The following NAA25 variants were observed in gnomAD, a reference collection of about 807,000 sequenced individuals.
NAA25 encodes N-alpha-acetyltransferase 25, NatB auxiliary subunit.
A neutral mutation model predicts 132.5 loss-of-function variants in NAA25; 30 were observed. That is an observed-to-expected ratio of 0.23 (90% CI 0.17 to 0.31). The LOEUF (loss-of-function observed/expected upper bound fraction) is 0.31. NAA25 is among the 10% of genes least tolerant of loss of function. The pLI is 1.00. For missense variants in NAA25, 771 were observed against 1,150.4 expected, an observed-to-expected ratio of 0.67 and a Z score of 4.77; for synonymous variants, 359 against 401.9, an observed-to-expected ratio of 0.89 and a Z score of 1.28.
rs1386351509 is a variant in NAA25 at position 112,074,663 on chromosome 12, A to G, written c.866+12T>C. ...AAAGTGCTGTTATAATTCAGGAAAG[A>G]AGACAACTTACTGTTCACCTTCAGC... On this transcript the variant is annotated intron_variant, in intron 9 of 23. Transcript: ENST00000261745. The G allele has an allele frequency of 1.9e-6, 3 of 1,572,762 alleles. No homozygotes were observed. Among genetic ancestry groups the G allele is most frequent in the Non-Finnish European group, 1.7e-6 (2 of 1,151,176 alleles).
intron 1 of NAA25, among the ~76,000 whole-genome samples, chr12:112,100,731 T>C (rs1285267551): frequency 1.4e-5 from 2 of 147,254 alleles, no homozygotes; most frequent in Non-Finnish European, 3.0e-5. Context: ...GCCATTCTCC[T>C]ACCTCAGCCT....
intron 17 of NAA25, among the ~76,000 whole-genome samples, chr12:112,045,932 T>C (rs556992966): frequency 1.3e-5 from 2 of 152,318 alleles, no homozygotes; most frequent in African/African-American, 4.8e-5. Context: ...TTTAAACAAA[T>C]TGGTTACAGT....
intron 11 of NAA25, among the ~76,000 whole-genome samples, chr12:112,066,785 A>G (rs2078724719): frequency 6.6e-6 from 1 of 152,206 alleles, no homozygotes; most frequent in Non-Finnish European, 1.5e-5. Flanking sequence ...CTGGTTACTT[A>G]TCAGTTGGGG....
rs1463229235 is a variant in NAA25 at position 112,033,239 on chromosome 12, G to A, written c.2790C>T (p.Leu930=). Residue 930 remains leucine, a synonymous_variant, in exon 23 of 24, where the codon CTC becomes CTT. Transcript: ENST00000261745. ...LEELILEDTS[L]SPEERKFSKT... ...ATTGCCTACAATCTCTTACCGGTGA[G>A]AGAGAAGTGTCTTCTAAAATAAGTT... The A allele has an allele frequency of 1.2e-6, 2 of 1,607,186 alleles. No homozygotes were observed. The highest frequency in any genetic ancestry group is 1.7e-5 in the Admixed American group (1 of 58,442).
At chr12:112,032,828 AT>A (rs2078167466) in intron 23 of NAA25, among the ~76,000 whole-genome samples, 1 of 152,198 alleles carries the variant, frequency 6.6e-6, no homozygotes, top group African/African-American at 2.4e-5. Context: ...TATTACTGAC[AT>A]AATTACTTCT....
At chr12:112,104,695 G>A (rs1395288338) in intron 1 of NAA25, among the ~76,000 whole-genome samples, 1 of 152,064 alleles carries the variant, frequency 6.6e-6, no homozygotes, top group Admixed American at 6.6e-5. Flanking sequence ...AATTAACCTG[G>A]CGTGGTGGCG....
At chr12:112,034,285 G>C (rs2078192549) in intron 22 of NAA25, 1 of 152,048 alleles carries the variant, frequency 6.6e-6, no homozygotes, top group African/African-American at 2.4e-5. Context: ...ATCACTTGAG[G>C]TCAGGAGTTC....
At chr12:112,106,955 CAAAAAAAAAAAAAA>C (rs11286456) in intron 1 of NAA25, among the ~76,000 whole-genome samples, 2 of 25,828 alleles carry the variant, frequency 7.7e-5, no homozygotes, top group African/African-American at 1.3e-4. Flanking sequence ...AGACTGTCTC[CAAAAAAAAAAAAAA>C]AAAAAAAAAA....
intron 21 of NAA25, chr12:112,039,774 T>A (rs1416415791): frequency 1.2e-5 from 2 of 161,312 alleles, no homozygotes; most frequent in African/African-American, 4.8e-5. Flanking sequence ...TTAACTTACA[T>A]ATGTATGGCA....
At chr12:112,099,562 A>G (rs370051427) in intron 1 of NAA25, among the ~76,000 whole-genome samples, 1 of 152,292 alleles carries the variant, frequency 6.6e-6, no homozygotes, top group East Asian at 1.9e-4. Flanking sequence ...GAAATTTGGG[A>G]AGAACTGGGA....
chr12:112,045,441 T>C (rs1222354142), intron 17 of NAA25, among the ~76,000 whole-genome samples: 3 of 132,344 alleles, frequency 2.3e-5, no homozygotes, highest in Non-Finnish European at 3.2e-5. Flanking sequence ...GAGCCGAGAT[T>C]GCGCCACCGC....
intron 14 of NAA25, among the ~76,000 whole-genome samples, chr12:112,054,095 A>G (rs1225187893): frequency 6.6e-6 from 1 of 152,222 alleles, no homozygotes; most frequent in Non-Finnish European, 1.5e-5. Flanking sequence ...TTCAACTGCA[A>G]AGCGGAAATG....
At chr12:112,030,944 A>AAT (rs536573117) in intron 23 of NAA25, among the ~76,000 whole-genome samples, 13 of 147,072 alleles carry the variant, frequency 8.8e-5, no homozygotes, top group African/African-American at 2.0e-4. Flanking sequence ...TGAATTTAAA[A>AAT]TTTTTTTTTT....
rs533045130 is a variant in NAA25 at position 112,071,621 on chromosome 12, C to T, written c.1036+274G>A. ...TGCTGGGATTACAGGCGTGAGACACCGCAACCAGCTGATTTTGACTTTATT... is the reference window on the plus strand; with the variant it reads ...TGCTGGGATTACAGGCGTGAGACACTGCAACCAGCTGATTTTGACTTTATT... On this transcript the variant is annotated intron_variant, in intron 10 of 23. Coordinates refer to ENST00000261745, the MANE Select transcript of NAA25 (RefSeq NM_024953.4). Among the ~76,000 whole-genome samples the T allele has an allele frequency of 5.9e-5, 9 of 152,244 alleles. No individual in the cohort carries two copies. In the South Asian group the frequency reaches 6.2e-4, roughly 11 times the overall value.
At chr12:112,060,015 G>T (rs182254623) in intron 13 of NAA25, among the ~76,000 whole-genome samples, 5 of 151,844 alleles carry the variant, frequency 3.3e-5, no homozygotes, top group Admixed American at 1.3e-4. Flanking sequence ...TTGCATTTTG[G>T]CCAGGCTAAT....
At chr12:112,053,747 CA>C in intron 14 of NAA25, 90 bp from the exon 15 acceptor site, 5 of 603,214 alleles carry the variant, frequency 8.3e-6, no homozygotes, top group Non-Finnish European at 1.0e-5. Context: ...AATTACTTGG[CA>C]AAAAAATAGC....
intron 11 of NAA25, among the ~76,000 whole-genome samples, chr12:112,068,628 T>C (rs1179368033): frequency 6.6e-6 from 1 of 152,200 alleles, no homozygotes; most frequent in African/African-American, 2.4e-5. Context: ...TGTAAATCCA[T>C]AATTATCTCA....
chr12:112,057,233 A>C (rs1419346608), intron 13 of NAA25, among the ~76,000 whole-genome samples: 1 of 152,104 alleles, frequency 6.6e-6, no homozygotes, highest in Non-Finnish European at 1.5e-5. Context: ...AATAAAATAA[A>C]ATAAAATAGT....
intron 17 of NAA25, among the ~76,000 whole-genome samples, chr12:112,047,134 T>C (rs1332654483): frequency 1.3e-5 from 2 of 152,138 alleles, no homozygotes; most frequent in Non-Finnish European, 2.9e-5. Flanking sequence ...TTCATTTGGC[T>C]TACCTATATT....
Sources: gnomAD v4.1 joint callset for allele counts (sites outside exome capture counted in the v4.1 genomes callset) on GRCh38, gnomAD v4.1.1 for gene constraint, MANE v1.5 for transcripts, NCBI Gene and HGNC (gene_info 2026-07-23, HGNC 2026-07-21) for gene names.